Variants in ZSWIM5 observed in about 807,000 individuals in gnomAD.
ZSWIM5 encodes the protein zinc finger SWIM-type containing 5, also known as zinc finger SWIM domain-containing protein 5.
ZSWIM5 carries 55 observed loss-of-function variants against 119.6 expected under a neutral mutation model. That is an observed-to-expected ratio of 0.46 (90% CI 0.37 to 0.58). The LOEUF (loss-of-function observed/expected upper bound fraction) is 0.58, where lower values mean the gene tolerates loss of function less well. Ranked by LOEUF, ZSWIM5 falls within the 20% of genes least tolerant of loss-of-function variation. The pLI, the probability that ZSWIM5 is intolerant of heterozygous loss-of-function variation, is 0.00. For missense variants in ZSWIM5, 1,193 were observed against 1,512.8 expected (o/e 0.79, Z 3.51); for synonymous variants, 537 against 606.9 (o/e 0.88, Z 1.69).
rs1645343620 is a variant in ZSWIM5 at position 45,088,262 on chromosome 1, G to A, written c.596-25C>T. 2 of 1,492,284 alleles carry A rather than the reference G, an allele frequency of 1.3e-6. No individual in the cohort carries two copies. The highest frequency in any genetic ancestry group is 2.6e-5 in the South Asian group (2 of 77,656). The allele number at this position is 1,492,284 out of a possible 1,614,324, so 92.4% of individuals were successfully genotyped here. On this transcript the variant is annotated intron_variant, in intron 1 of 13. Coordinates refer to ENST00000359600, the MANE Select transcript of ZSWIM5 (RefSeq NM_020883.2). This position sits in a 1 kb window ranked among gnomAD's most constrained non-coding sequence, Gnocchi z 4.2. ...CCTAAGGAAACACAAAAGAAACTGT[G>A]TTTAGAGATTCTAGAGTAATAAACT...
intron 2 of ZSWIM5, among the ~76,000 whole-genome samples, chr1:45,076,065 A>T (rs1261098409): frequency 6.6e-6 from 1 of 152,006 alleles, no homozygotes; most frequent in African/African-American, 2.4e-5. Flanking sequence ...TACTACTTTT[A>T]TCTTATTATG....
intron 12 of ZSWIM5, among the ~76,000 whole-genome samples, 191 bp downstream of exon 12, chr1:45,020,434 C>T (rs1173823826): frequency 2.0e-5 from 3 of 152,218 alleles, no homozygotes; most frequent in Admixed American, 6.5e-5. Context: ...CTTTATCTTG[C>T]TTCTGGCCTT....
At chr1:45,134,436 A>G (rs1213243838) in intron 1 of ZSWIM5, among the ~76,000 whole-genome samples, 3 of 152,234 alleles carry the variant, frequency 2.0e-5, no homozygotes, top group Non-Finnish European at 4.4e-5. Context: ...TCCTTTAAAA[A>G]TGTTAGACTC....
At chr1:45,159,363 C>G (rs1645849473) in intron 1 of ZSWIM5, among the ~76,000 whole-genome samples, 1 of 152,072 alleles carries the variant, frequency 6.6e-6, no homozygotes, top group African/African-American at 2.4e-5. Context: ...TCACTTCTTT[C>G]ATTTGTAAAA....
chr1:45,115,261 C>CGGGCGG (rs1457274809), intron 1 of ZSWIM5, among the ~76,000 whole-genome samples: 12 of 150,318 alleles, frequency 8.0e-5, no homozygotes, highest in Non-Finnish European at 1.5e-4. Flanking sequence ...AGGTGGCTGC[C>CGGGCGG]GGGCGGGGGC....
chr1:45,123,694 T>C (rs1432189032), intron 1 of ZSWIM5, among the ~76,000 whole-genome samples: 1 of 152,072 alleles, frequency 6.6e-6, no homozygotes, highest in Non-Finnish European at 1.5e-5. Flanking sequence ...AAAAAATACT[T>C]GAAATAATGT....
intron 2 of ZSWIM5, among the ~76,000 whole-genome samples, chr1:45,085,862 C>T (rs186177380): frequency 6.6e-6 from 1 of 152,310 alleles, no homozygotes; most frequent in Non-Finnish European, 1.5e-5. Context: ...AAGCCCTCTA[C>T]ACTTTTCTAA....
intron 1 of ZSWIM5, among the ~76,000 whole-genome samples, chr1:45,170,787 A>C (rs1645941943): frequency 6.8e-6 from 1 of 147,942 alleles, no homozygotes; most frequent in Non-Finnish European, 1.5e-5. Context: ...TTTGTTGCCC[A>C]GGCTGCCAGG....
At chr1:45,193,386 T>A (rs1646102946) in intron 1 of ZSWIM5, among the ~76,000 whole-genome samples, 1 of 152,178 alleles carries the variant, frequency 6.6e-6, no homozygotes, top group Non-Finnish European at 1.5e-5. Flanking sequence ...GATTGTAAAT[T>A]AGAAGACTTG....
intron 11 of ZSWIM5, among the ~76,000 whole-genome samples, chr1:45,033,732 CTG>C (rs1644965803): frequency 6.6e-6 from 1 of 152,150 alleles, no homozygotes; most frequent in African/African-American, 2.4e-5. Flanking sequence ...AGATTTGAAA[CTG>C]AGGCGTAGAA....
chr1:45,169,937 C>A (rs993131234), intron 1 of ZSWIM5, among the ~76,000 whole-genome samples: 1 of 151,956 alleles, frequency 6.6e-6, no homozygotes, highest in Non-Finnish European at 1.5e-5. Context: ...AAATTCCACA[C>A]GGTTAACATT....
At chr1:45,055,739 A>G (rs995443832) in intron 4 of ZSWIM5, among the ~76,000 whole-genome samples, 1 of 152,240 alleles carries the variant, frequency 6.6e-6, no homozygotes, top group African/African-American at 2.4e-5. Flanking sequence ...GGGTTGAGGA[A>G]AGGCAGAGAA....
chr1:45,196,788 A>C (rs1232104297), intron 1 of ZSWIM5, among the ~76,000 whole-genome samples: 1 of 152,214 alleles, frequency 6.6e-6, no homozygotes, highest in African/African-American at 2.4e-5. Context: ...AAGTTTTGAC[A>C]AAAGAATATA....
At chr1:45,129,744 T>C (rs1401733050) in intron 1 of ZSWIM5, among the ~76,000 whole-genome samples, 1 of 152,094 alleles carries the variant, frequency 6.6e-6, no homozygotes. Flanking sequence ...GTAATAAACT[T>C]TGACTTAAAC....
At chr1:45,099,800 CAT>C (rs1645427083) in intron 1 of ZSWIM5, among the ~76,000 whole-genome samples, 1 of 152,190 alleles carries the variant, frequency 6.6e-6, no homozygotes, top group African/African-American at 2.4e-5. Context: ...ACAAAACCCA[CAT>C]GTTTATCTCA....
chr1:45,076,405 GT>G (rs975892003), intron 2 of ZSWIM5, among the ~76,000 whole-genome samples: 4 of 152,050 alleles, frequency 2.6e-5, no homozygotes, highest in Admixed American at 6.6e-5. Flanking sequence ...TAGGATCAAA[GT>G]TTTTTTCCTT....
intron 1 of ZSWIM5, among the ~76,000 whole-genome samples, chr1:45,152,578 C>A (rs1645803918): frequency 6.6e-6 from 1 of 152,086 alleles, no homozygotes; most frequent in Non-Finnish European, 1.5e-5. Context: ...GGACCACTAC[C>A]TTTCACCATA....
intron 1 of ZSWIM5, among the ~76,000 whole-genome samples, chr1:45,142,954 C>T (rs1249123812): frequency 2.3e-4 from 35 of 149,462 alleles, no homozygotes; most frequent in African/African-American, 7.9e-4. Flanking sequence ...GCGGGTCACA[C>T]GAGCCCAGGA....
At chr1:45,144,101 T>C (rs1009635856) in intron 1 of ZSWIM5, among the ~76,000 whole-genome samples, 1 of 152,020 alleles carries the variant, frequency 6.6e-6, no homozygotes, top group Non-Finnish European at 1.5e-5. Context: ...GCAATATCAG[T>C]CAAAATCTCA....
Sources: allele counts gnomAD v4.1 joint callset (sites outside exome capture counted in the v4.1 genomes callset), GRCh38; gene constraint gnomAD v4.1.1; non-coding constraint Gnocchi (gnomAD v3.1); transcripts MANE v1.5; gene names NCBI Gene and HGNC (gene_info 2026-07-23, HGNC 2026-07-21).